RP1: variants seen among roughly 807,000 people sequenced by gnomAD.
The protein encoded by RP1 is oxygen-regulated protein 1.
A neutral mutation model predicts 14.8 loss-of-function variants in RP1; 16 were observed. The observed-to-expected ratio is 1.08, with a 90% CI of 0.73 to 1.65. The LOEUF (loss-of-function observed/expected upper bound fraction) is 1.65. Among genes scored for constraint, RP1 ranks in the 40% most tolerant of loss-of-function variants. The pLI is 0.00. For missense variants in RP1, 2,631 were observed against 2,535.0 expected (o/e 1.04, Z -0.81); for synonymous variants, 876 against 883.6 (o/e 0.99, Z 0.15).
intron 19 of RP1, among the ~76,000 whole-genome samples, chr8:54,744,488 T>C (rs1056351403): frequency 6.6e-6 from 1 of 152,244 alleles, no homozygotes; most frequent in Non-Finnish European, 1.5e-5. Context: ...CTGAAATAGT[T>C]TCCTTGTGTT....
chr8:54,681,968 T>C (rs891101429), intron 12 of RP1, among the ~76,000 whole-genome samples: 2 of 152,152 alleles, frequency 1.3e-5, no homozygotes, highest in Non-Finnish European at 2.9e-5. Context: ...GTTGATTCCA[T>C]GTCTTTGCTA....
At chr8:54,726,420 A>G in exon 17 of RP1, 1 of 1,534,336 alleles carries the variant, frequency 6.5e-7, no homozygotes, top group Non-Finnish European at 8.7e-7. Context: ...TCAAAAAAAC[A>G]GAAAAAAATA....
intron 8 of RP1, among the ~76,000 whole-genome samples, chr8:54,674,620 A>G (rs1194565433): frequency 6.6e-6 from 1 of 152,104 alleles, no homozygotes; most frequent in Non-Finnish European, 1.5e-5. Flanking sequence ...AGATTGTTAC[A>G]CAAATACAGA....
chr8:54,857,011 A>C, intron 26 of RP1: 8 of 968,016 alleles, frequency 8.3e-6, no homozygotes, highest in Non-Finnish European at 1.1e-5. Flanking sequence ...CACTGAGTTT[A>C]TTTCTTTATT....
At chr8:54,826,691 C>T (rs1419762066) in intron 24 of RP1, among the ~76,000 whole-genome samples, 1 of 152,190 alleles carries the variant, frequency 6.6e-6, no homozygotes, top group East Asian at 1.9e-4. Flanking sequence ...CCTCATATGT[C>T]ACTCAATCCA....
intron 19 of RP1, among the ~76,000 whole-genome samples, chr8:54,747,182 C>G (rs112213238): frequency 1.3e-5 from 2 of 152,268 alleles, no homozygotes; most frequent in South Asian, 2.1e-4. Context: ...TTTCACCCCC[C>G]TCAGTATCCA....
chr8:54,641,207 A>G (rs904700209), intron 3 of RP1, among the ~76,000 whole-genome samples: 1 of 152,098 alleles, frequency 6.6e-6, no homozygotes, highest in African/African-American at 2.4e-5. Flanking sequence ...AGCCTCCTGA[A>G]GTGCTGGGAT....
At chr8:54,602,827 A>C (rs1275343340) in intron 1 of RP1, among the ~76,000 whole-genome samples, 1 of 152,174 alleles carries the variant, frequency 6.6e-6, no homozygotes, top group Non-Finnish European at 1.5e-5. Context: ...TGGCTGCATA[A>C]ATGTCTTCTT....
intron 8 of RP1, among the ~76,000 whole-genome samples, chr8:54,675,194 G>A (rs1210494156): frequency 1.3e-5 from 2 of 152,076 alleles, no homozygotes; most frequent in Non-Finnish European, 2.9e-5. Context: ...TCAGAAATAT[G>A]TAAATAAAAG....
chr8:54,821,977 A>G (rs555295785), intron 24 of RP1, among the ~76,000 whole-genome samples: 1 of 152,334 alleles, frequency 6.6e-6, no homozygotes, highest in African/African-American at 2.4e-5. Context: ...AGCAAACTTA[A>G]CAAGGCTTCC....
chr8:54,725,415 G>T (rs754354017), intron 16 of RP1, among the ~76,000 whole-genome samples: 8 of 152,090 alleles, frequency 5.3e-5, no homozygotes, highest in Non-Finnish European at 8.8e-5. Context: ...TGTCTGAAAT[G>T]ATATCTTATA....
intron 21 of RP1, among the ~76,000 whole-genome samples, chr8:54,756,018 G>A (rs1809497478): frequency 6.6e-6 from 1 of 152,058 alleles, no homozygotes; most frequent in African/African-American, 2.4e-5. Context: ...GTGATCATGT[G>A]AGGAAAAGAA....
intron 17 of RP1, among the ~76,000 whole-genome samples, chr8:54,727,906 T>C (rs904779972): frequency 1.3e-5 from 2 of 151,876 alleles, no homozygotes; most frequent in South Asian, 2.1e-4. Context: ...AAAAGACTTA[T>C]AAGTTCTTCA....
chr8:54,757,909 C>G (rs146744180), intron 21 of RP1, among the ~76,000 whole-genome samples: 409 of 152,312 alleles, frequency 2.7e-3, no homozygotes, highest in Admixed American at 4.5e-3. Flanking sequence ...ACAGAACCAT[C>G]ATTACTGGAC....
chr8:54,681,994 C>T (rs190193275), intron 12 of RP1, among the ~76,000 whole-genome samples: 400 of 152,188 alleles, frequency 2.6e-3, no homozygotes, highest in Admixed American at 4.5e-3. Flanking sequence ...AATAGTGCTG[C>T]AGTGAACGTA....
At chr8:54,796,213 T>G (rs1810573289) in intron 24 of RP1, among the ~76,000 whole-genome samples, 1 of 152,174 alleles carries the variant, frequency 6.6e-6, no homozygotes, top group Non-Finnish European at 1.5e-5. Flanking sequence ...TGTAAAATTA[T>G]TAAAAATAAT....
At chr8:54,704,927 A>G (rs1374209266) in intron 14 of RP1, among the ~76,000 whole-genome samples, 1 of 152,232 alleles carries the variant, frequency 6.6e-6, no homozygotes, top group Non-Finnish European at 1.5e-5. Context: ...ACTGTAATAT[A>G]TACTTTGACA....
Position 54,622,269 on chromosome 8 carries a change from A to C in RP1, c.768A>C (p.Ala256=), listed in dbSNP as rs1805903683. 6.2e-7 allele frequency: 1 copy of C among 1,614,118 alleles called. No homozygotes were observed. The highest frequency in any genetic ancestry group is 8.5e-7 in the Non-Finnish European group (1 of 1,180,012). The change falls in exon 3 of 4, where the codon GCA becomes GCC. Residue 256 remains alanine (A), a synonymous_variant. Coordinates refer to ENST00000220676, the MANE Select transcript of RP1 (RefSeq NM_006269.2). ...AGCGTGTGTACCCCAAGGGAAATGC[A>C]AAGTCAGAAAGCAGAAAGAGTAAGT... is the stretch of plus-strand genomic sequence containing the variant. ...ISQRVYPKGN[A]KSESRKISTH...
At chr8:54,866,055 C>T (rs1812451267) in intron 28 of RP1, 1 of 395,742 alleles carries the variant, frequency 2.5e-6, no homozygotes, top group South Asian at 1.4e-4. Flanking sequence ...GGCCTTCTCT[C>T]CTCAAGAAGC....
Sources: gnomAD v4.1 joint callset for allele counts (sites outside exome capture counted in the v4.1 genomes callset) on GRCh38, gnomAD v4.1.1 for gene constraint, MANE v1.5 for transcripts, NCBI Gene and HGNC (gene_info 2026-07-23, HGNC 2026-07-21) for gene names.